Variants in ADAM23 observed in about 807,000 individuals in gnomAD.
ADAM23 encodes disintegrin and metalloproteinase domain-containing protein 23.
Under a neutral mutation model 120.1 loss-of-function variants are expected in ADAM23, and 33 were observed. The observed-to-expected ratio is 0.27, with a 90% CI of 0.21 to 0.37. The LOEUF (loss-of-function observed/expected upper bound fraction) is 0.37, where lower values mean the gene tolerates loss of function less well. Among genes scored for constraint, ADAM23 ranks in the 10% least tolerant of loss-of-function variants. The pLI, the probability that ADAM23 is intolerant of heterozygous loss-of-function variation, is 1.00. For synonymous variants in ADAM23, 367 were observed against 375.2 expected (o/e 0.98, Z 0.25); for missense variants, 862 against 1,058.2 (o/e 0.81, Z 2.57).
chr2:206,493,797 T>G (rs1451168617), intron 3 of ADAM23, among the ~76,000 whole-genome samples: 1 of 152,246 alleles, frequency 6.6e-6, no homozygotes, highest in Non-Finnish European at 1.5e-5. Flanking sequence ...TCTAATACAT[T>G]GTAGAGAGCA....
intron 24 of ADAM23, chr2:206,606,964 A>G (rs1394954877): frequency 1.3e-5 from 2 of 152,170 alleles, no homozygotes; most frequent in African/African-American, 4.8e-5. Flanking sequence ...AATATCAGAT[A>G]TGTTTTTCTA....
At position 206,453,558 on chromosome 2, in the gene ADAM23, A is replaced by G. The variant is rs760879654; in HGVS notation, c.432+8034A>G. ...TCAGAATCTACTGAGTGAATTTTCA[A>G]TTTTACAAGGGAGTCTTTGTATTTA... On this transcript the variant is annotated intron_variant, in intron 2 of 25. Coordinates refer to ENST00000264377, the MANE Select transcript of ADAM23 (RefSeq NM_003812.4). Among the ~76,000 whole-genome samples the G allele has an allele frequency of 1.2e-4, 19 of 152,318 alleles. 1 individual carries two copies. Among genetic ancestry groups the G allele is most frequent in the Non-Finnish European group, 2.2e-4 (15 of 68,026 alleles).
chr2:206,455,488 T>C (rs1472658261), intron 2 of ADAM23, among the ~76,000 whole-genome samples: 1 of 152,238 alleles, frequency 6.6e-6, no homozygotes, highest in Non-Finnish European at 1.5e-5. Flanking sequence ...TTAGGCAAGC[T>C]TCTGCAGCAG....
intron 14 of ADAM23, 58 bp from the exon 15 acceptor site, chr2:206,567,165 C>T: frequency 2.2e-6 from 3 of 1,346,110 alleles, no homozygotes; most frequent in African/African-American, 1.5e-5. Context: ...TTTTAATTTT[C>T]TTCTCTGATG....
At chr2:206,499,801 C>T (rs999943347) in intron 3 of ADAM23, among the ~76,000 whole-genome samples, 2 of 152,038 alleles carry the variant, frequency 1.3e-5, no homozygotes, top group African/African-American at 4.8e-5. Context: ...TGTCTATTTT[C>T]ATGCAGCTTT....
At chr2:206,489,479 C>T (rs553289031) in intron 3 of ADAM23, among the ~76,000 whole-genome samples, 121 of 152,224 alleles carry the variant, frequency 7.9e-4, no homozygotes, top group Non-Finnish European at 1.4e-3. Context: ...CATTGCTTTC[C>T]ATTTCAGGAG....
chr2:206,561,953 C>T (rs941849633), intron 12 of ADAM23, among the ~76,000 whole-genome samples: 4 of 152,056 alleles, frequency 2.6e-5, no homozygotes, highest in Non-Finnish European at 5.9e-5. Flanking sequence ...GGAGCACAGC[C>T]TTTTGTGACT....
At chr2:206,464,413 A>T (rs1454591549) in intron 2 of ADAM23, among the ~76,000 whole-genome samples, 1 of 152,072 alleles carries the variant, frequency 6.6e-6, no homozygotes, top group South Asian at 2.1e-4. Flanking sequence ...CGTCTCTATT[A>T]AAAATACAAA....
chr2:206,505,237 G>A (rs1287958466), intron 3 of ADAM23, among the ~76,000 whole-genome samples: 4 of 152,168 alleles, frequency 2.6e-5, no homozygotes, highest in Non-Finnish European at 5.9e-5. Context: ...AACAGGGCCT[G>A]GAATCCAGGC....
chr2:206,615,034 C>T (rs540610337), intron 25 of ADAM23, among the ~76,000 whole-genome samples: 6 of 152,206 alleles, frequency 3.9e-5, no homozygotes, highest in Admixed American at 2.6e-4. Flanking sequence ...AGGGACACTT[C>T]GTCAGGGGGT....
chr2:206,599,828 G>A (rs912028239), intron 24 of ADAM23, among the ~76,000 whole-genome samples: 13 of 152,162 alleles, frequency 8.5e-5, no homozygotes, highest in African/African-American at 2.9e-4. Context: ...AATAGGTAAT[G>A]GACTCAAGTT....
In ADAM23 at chr2:206,476,245, A is replaced by G. The variant is rs188573679; in HGVS notation, c.433-4987A>G. On this transcript the variant is annotated intron_variant, in intron 2 of 25. Coordinates refer to ENST00000264377, the MANE Select transcript of ADAM23 (RefSeq NM_003812.4). ...TGTCTATTGATATTCCACTTTGGGC[A>G]TGTTTCGTTCATTACTTAAATGAAT... is the stretch of plus-strand genomic sequence containing the variant. 4.9e-3 allele frequency among the ~76,000 whole-genome samples: 745 copies of G among 152,290 alleles called. 2 individuals are homozygous for G. The highest frequency in any genetic ancestry group is 0.014 in the Middle Eastern group (4 of 294).
At position 206,530,962 on chromosome 2, in the gene ADAM23, C is replaced by G. The variant is rs1285509486; in HGVS notation, c.573+14C>G. On this transcript the variant is annotated intron_variant, in intron 4 of 25. Transcript: ENST00000264377. ...CAGTACTCTAAGGTACGGTTACCGG[C>G]GTCGGCAAGTACTCTAGTATAAGTG... is the stretch of plus-strand genomic sequence containing the variant. 3 of 1,610,866 alleles carry G rather than the reference C, an allele frequency of 1.9e-6. No individual in the cohort carries two copies. The highest frequency in any genetic ancestry group is 2.2e-5 in the East Asian group (1 of 44,832).
At chr2:206,518,096 G>A (rs1166237465) in intron 3 of ADAM23, among the ~76,000 whole-genome samples, 1 of 152,068 alleles carries the variant, frequency 6.6e-6, no homozygotes, top group Non-Finnish European at 1.5e-5. Context: ...TCTGGCTGCA[G>A]GAAAAATGCT....
chr2:206,452,203 G>A (rs1403491532), intron 2 of ADAM23, among the ~76,000 whole-genome samples: 1 of 152,160 alleles, frequency 6.6e-6, no homozygotes, highest in African/African-American at 2.4e-5. Flanking sequence ...TAACCCTTCT[G>A]CATTTCTGGT....
intron 4 of ADAM23, among the ~76,000 whole-genome samples, chr2:206,541,344 T>A (rs1014569855): frequency 6.6e-5 from 10 of 152,158 alleles, no homozygotes; most frequent in Non-Finnish European, 1.3e-4. Flanking sequence ...TAACTAAAAC[T>A]GGTGATATGA....
At chr2:206,483,070 C>A (rs1695929891) in intron 3 of ADAM23, among the ~76,000 whole-genome samples, 1 of 152,124 alleles carries the variant, frequency 6.6e-6, no homozygotes, top group African/African-American at 2.4e-5. Context: ...GCCATTATCC[C>A]CTAGACTGAA....
chr2:206,522,958 C>T lies in ADAM23; in HGVS notation c.510-7927C>T, dbSNP rs113148606. On this transcript the variant is annotated intron_variant, in intron 3 of 25. Transcript: ENST00000264377. ...GTGTTATCCACTTCATATGGTCGAG[C>T]TTTAAGTTAAGGGGAAGAAACGAAA... is the stretch of plus-strand genomic sequence containing the variant. 3.9e-5 allele frequency among the ~76,000 whole-genome samples: 6 copies of T among 152,182 alleles called. 1 individual carries two copies. The highest frequency in any genetic ancestry group is 1.4e-4 in the African/African-American group (6 of 41,534).
At chr2:206,558,028 C>T (rs1697681167) in intron 10 of ADAM23, among the ~76,000 whole-genome samples, 1 of 152,110 alleles carries the variant, frequency 6.6e-6, no homozygotes, top group Non-Finnish European at 1.5e-5. Context: ...CCAAATAAAA[C>T]TAATTTGGAA....
Sources: gnomAD v4.1 joint callset for allele counts (sites outside exome capture counted in the v4.1 genomes callset) on GRCh38, gnomAD v4.1.1 for gene constraint, MANE v1.5 for transcripts, NCBI Gene and HGNC (gene_info 2026-07-23, HGNC 2026-07-21) for gene names.